Variants in PTPRM observed in about 807,000 individuals in gnomAD.
PTPRM encodes protein tyrosine phosphatase receptor type M.
Under a neutral mutation model 186.7 loss-of-function variants are expected in PTPRM, and 47 were observed. The ratio of observed to expected loss-of-function variants is 0.25; its 90% confidence interval spans 0.20 to 0.32. The LOEUF (loss-of-function observed/expected upper bound fraction) is 0.32, where lower values mean the gene tolerates loss of function less well. Ranked by LOEUF, PTPRM falls within the 10% of genes least tolerant of loss-of-function variation. The pLI is 1.00. For synonymous variants in PTPRM, 668 were observed against 674.9 expected, an observed-to-expected ratio of 0.99 and a Z score of 0.16; for missense variants, 1,494 against 1,865.0, an observed-to-expected ratio of 0.80 and a Z score of 3.66.
intron 1 of PTPRM, chr18:7,755,244 A>G (rs1368253536): frequency 1.3e-5 from 2 of 152,236 alleles, no homozygotes; most frequent in African/African-American, 4.8e-5. Flanking sequence ...GAAAAAAAAA[A>G]AAAGATGAAC....
chr18:8,369,498 T>C (rs1236634243), intron 23 of PTPRM, among the ~76,000 whole-genome samples: 9 of 152,190 alleles, frequency 5.9e-5, no homozygotes, highest in Admixed American at 5.9e-4. Context: ...GGCAAATGGT[T>C]GGGTTTGCGA....
At chr18:8,080,224 C>T (rs1382948729) in intron 9 of PTPRM, among the ~76,000 whole-genome samples, 1 of 152,004 alleles carries the variant, frequency 6.6e-6, no homozygotes, top group African/African-American at 2.4e-5. Context: ...TATGCCAAAC[C>T]TATTTCTAGA....
intron 7 of PTPRM, among the ~76,000 whole-genome samples, chr18:8,054,023 G>T (rs2087707033): frequency 6.6e-6 from 1 of 151,816 alleles, no homozygotes; most frequent in African/African-American, 2.4e-5. Context: ...ATAACTTGTA[G>T]GTCCTGCTTG....
At chr18:8,030,118 C>A (rs1444834372) in intron 7 of PTPRM, among the ~76,000 whole-genome samples, 5 of 152,208 alleles carry the variant, frequency 3.3e-5, no homozygotes, top group Admixed American at 3.3e-4. Context: ...CTTCTCAGAA[C>A]CTTCAAGGAA....
rs1214502563 is a variant in PTPRM, at chr18:7,984,602, T to TATACAC, written c.1132+29189_1132+29190insTACACA. Among the ~76,000 whole-genome samples, 274 of 87,138 alleles carry TATACAC rather than the reference T, an allele frequency of 3.1e-3. 1 individual carries two copies. The highest frequency in any genetic ancestry group is 6.8e-3 in the South Asian group (18 of 2,632). The allele number at this position is 87,138 out of a possible 152,430, so 57.2% of individuals were successfully genotyped here. ...ATATATATATATATATATATATATA[T>TATACAC]ACACACACACACACACACACACACA... On this transcript the variant is annotated intron_variant, in intron 7 of 32. Transcript: ENST00000580170.
chr18:8,206,664 A>C (rs113607949), intron 14 of PTPRM, among the ~76,000 whole-genome samples: 95 of 152,334 alleles, frequency 6.2e-4, no homozygotes, highest in African/African-American at 2.2e-3. Flanking sequence ...AAAAGAGGAG[A>C]TGCAGATGAT....
intron 14 of PTPRM, among the ~76,000 whole-genome samples, chr18:8,214,171 T>C (rs1390599749): frequency 6.6e-6 from 1 of 152,198 alleles, no homozygotes; most frequent in African/African-American, 2.4e-5. Flanking sequence ...TACACTGTTT[T>C]GGTGGCAGGT....
At chr18:8,331,695 T>C (rs2095413147) in intron 22 of PTPRM, among the ~76,000 whole-genome samples, 1 of 152,224 alleles carries the variant, frequency 6.6e-6, no homozygotes, top group East Asian at 1.9e-4. Context: ...TAATGCTTCC[T>C]TCCAGAAGGA....
Position 8,370,904 on chromosome 18 carries a change from A to C in PTPRM, c.3069A>C (p.Lys1023Asn). The C allele has an allele frequency of 6.3e-7, 1 of 1,596,278 alleles. No individual in the cohort carries two copies. The highest frequency in any genetic ancestry group is 8.5e-7 in the Non-Finnish European group (1 of 1,170,184). ...LVEVGRVKCC[K>N]YWPDDTEIYK... ...GTTTTCTAAAGGTCAAATGCTGCAA[A>C]TACTGGCCAGATGACACAGAGATAT... The change falls in exon 24 of 33, where the codon AAA becomes AAC. Residue 1023 changes from lysine to asparagine, a missense_variant. By Grantham distance (94) the Lys-to-Asn change is moderately conservative. Transcript: ENST00000580170.
chr18:7,917,330 G>T (rs914329144), intron 4 of PTPRM, among the ~76,000 whole-genome samples: 3 of 152,138 alleles, frequency 2.0e-5, no homozygotes, highest in Admixed American at 2.0e-4. Context: ...TCAGGAGATC[G>T]TGACCATCCT....
rs368379983 is a variant in PTPRM at position 8,394,384 on chromosome 18, C to T, written c.4209-92C>T. 1.3e-5 allele frequency: 18 copies of T among 1,398,932 alleles called. No individual in the cohort carries two copies. In the South Asian group the frequency reaches 2.7e-4, roughly 21 times the overall value. 86.7% of individuals were successfully genotyped at this position (1,398,932 alleles called of 1,614,324 possible). On this transcript the variant is annotated intron_variant, in intron 31 of 32. Coordinates refer to ENST00000580170, the MANE Select transcript of PTPRM (RefSeq NM_001105244.2). ...CTCAGAGCCCTTTGTTGTTACTGTT[C>T]CCCAGGGTTTAGACAGCTTGTTTCC...
intron 7 of PTPRM, among the ~76,000 whole-genome samples, chr18:8,023,847 C>CAT (rs1258258436): frequency 7.6e-6 from 1 of 131,712 alleles, no homozygotes; most frequent in Non-Finnish European, 1.7e-5. Context: ...CACACACACA[C>CAT]ACACACACAC....
intron 7 of PTPRM, among the ~76,000 whole-genome samples, chr18:7,989,695 T>G (rs1021000318): frequency 1.3e-5 from 2 of 152,198 alleles, no homozygotes; most frequent in Admixed American, 6.5e-5. Context: ...CTGGTTAACA[T>G]TTTTAATGTT....
chr18:8,073,397 A>C (rs2089609358), intron 8 of PTPRM, among the ~76,000 whole-genome samples: 1 of 152,252 alleles, frequency 6.6e-6, no homozygotes, highest in African/African-American at 2.4e-5. Flanking sequence ...GAAGAGACTT[A>C]GTCGAGTTTT....
intron 2 of PTPRM, among the ~76,000 whole-genome samples, chr18:7,794,953 T>C (rs1182147535): frequency 6.6e-6 from 1 of 152,140 alleles, no homozygotes; most frequent in African/African-American, 2.4e-5. Context: ...AGTGCTCCAG[T>C]AGCACCAACC....
intron 11 of PTPRM, among the ~76,000 whole-genome samples, chr18:8,101,288 G>A (rs1478507037): frequency 6.6e-6 from 1 of 152,204 alleles, no homozygotes; most frequent in African/African-American, 2.4e-5. Flanking sequence ...TTAGTGACCT[G>A]TAAGCAAAGC....
chr18:8,084,122 C>T (rs1268341130), intron 9 of PTPRM, among the ~76,000 whole-genome samples: 1 of 152,108 alleles, frequency 6.6e-6, no homozygotes, highest in Admixed American at 6.6e-5. Flanking sequence ...ATACCTCCTT[C>T]GGGGAAGGTA....
At chr18:8,264,209 G>C (rs1236167813) in intron 19 of PTPRM, among the ~76,000 whole-genome samples, 2 of 152,174 alleles carry the variant, frequency 1.3e-5, no homozygotes, top group Non-Finnish European at 2.9e-5. Flanking sequence ...AGGAGAAAAA[G>C]CACTTTGGCT....
At chr18:8,081,817 G>A (rs1007392964) in intron 9 of PTPRM, among the ~76,000 whole-genome samples, 1 of 152,176 alleles carries the variant, frequency 6.6e-6, no homozygotes, top group African/African-American at 2.4e-5. Context: ...TTTGTTAGGC[G>A]TGAGGGAGAG....
Sources: allele counts gnomAD v4.1 joint callset (sites outside exome capture counted in the v4.1 genomes callset), GRCh38; gene constraint gnomAD v4.1.1; transcripts MANE v1.5; gene names NCBI Gene and HGNC (gene_info 2026-07-23, HGNC 2026-07-21).